The following CSMD2 variants were observed in gnomAD, a reference collection of about 807,000 sequenced individuals.
The protein encoded by CSMD2 is CUB and Sushi multiple domains 2.
In CSMD2, 130 loss-of-function variants were observed where a neutral mutation model predicts 398.5. The ratio of observed to expected loss-of-function variants is 0.33; its 90% CI spans 0.28 to 0.38. CSMD2 has a LOEUF of 0.38. Among genes scored for constraint, CSMD2 ranks in the 10% least tolerant of loss-of-function variants. CSMD2 has a pLI of 1.00. For missense variants in CSMD2, 3,829 were observed against 4,764.9 expected, an observed-to-expected ratio of 0.80 and a Z score of 5.78; for synonymous variants, 1,828 against 1,908.5, an observed-to-expected ratio of 0.96 and a Z score of 1.10.
intron 1 of CSMD2, among the ~76,000 whole-genome samples, chr1:34,103,456 G>A (rs1013546001): frequency 1.1e-4 from 17 of 151,724 alleles, no homozygotes; most frequent in African/African-American, 3.1e-4. Flanking sequence ...CCGCCACCAC[G>A]CCCAGCTAAT....
chr1:33,704,258 A>G (rs1319649949), intron 22 of CSMD2, among the ~76,000 whole-genome samples: 1 of 152,188 alleles, frequency 6.6e-6, no homozygotes, highest in African/African-American at 2.4e-5. Context: ...TTTTTGAAAC[A>G]AAAGTCACAA....
At chr1:33,688,463 TA>T (rs1477832202) in intron 25 of CSMD2, among the ~76,000 whole-genome samples, 1 of 152,190 alleles carries the variant, frequency 6.6e-6, no homozygotes, top group East Asian at 1.9e-4. Context: ...GGAGTAAGAT[TA>T]CAGAGTAAGA....
chr1:33,748,266 G>T (rs1647666085), intron 13 of CSMD2, among the ~76,000 whole-genome samples: 1 of 152,186 alleles, frequency 6.6e-6, no homozygotes, highest in African/African-American at 2.4e-5. Context: ...AATAGGAAGA[G>T]CCTACTTCTC....
chr1:33,934,869 T>C (rs1053542840), intron 4 of CSMD2, among the ~76,000 whole-genome samples: 1 of 146,372 alleles, frequency 6.8e-6, no homozygotes, highest in South Asian at 2.2e-4. Context: ...CCGGGCATGG[T>C]GGCACATGCC....
chr1:33,733,569 G>C (rs1029933227), intron 15 of CSMD2, among the ~76,000 whole-genome samples: 1 of 152,102 alleles, frequency 6.6e-6, no homozygotes, highest in African/African-American at 2.4e-5. Context: ...ATCTCACCTC[G>C]AGTTATAATC....
Position 33,542,869 on chromosome 1 carries a change from G to A in CSMD2, c.9128C>T (p.Pro3043Leu). 4 of 1,614,094 alleles carry A rather than the reference G, an allele frequency of 2.5e-6. No individual in the cohort carries two copies. The highest frequency in any genetic ancestry group is 3.4e-6 in the Non-Finnish European group (4 of 1,179,996). Residue 3043 changes from proline to leucine, a missense_variant, in exon 58 of 71, where the codon CCA becomes CTA. Around this residue, in one of 5 missense-constraint regions of CSMD2, gnomAD observed 917 missense variants for 1,199.5 expected, o/e 0.76. Coordinates refer to ENST00000373381, the MANE Select transcript of CSMD2 (RefSeq NM_001281956.2). ...GVISCGNPGTPSNARVVFSDG... is the reference protein window; with the variant it reads ...GVISCGNPGTLSNARVVFSDG... ...ACTGAACACAACTCGGGCATTACTT[G>A]GAGTCCCAGGGTTCCCACAAGAGAT...
chr1:34,091,676 A>G lies in CSMD2; in HGVS notation c.188-2483T>C, dbSNP rs533880860. On this transcript the variant is annotated intron_variant, in intron 1 of 70. Transcript: ENST00000373381. The stretch of plus-strand genomic sequence containing the variant: ...AAAAAAAAATGTTAAGGTCTTCTGA[A>G]TAAATCCTAAACAGGCATTTCATAA... Among the ~76,000 whole-genome samples, 3 of 152,348 alleles carry G rather than the reference A, an allele frequency of 2.0e-5. No homozygotes were observed. The East Asian group carries it at 5.8e-4, about 29-fold the overall frequency.
intron 5 of CSMD2, among the ~76,000 whole-genome samples, chr1:33,870,012 G>A (rs936279768): frequency 8.5e-5 from 13 of 152,132 alleles, no homozygotes; most frequent in African/African-American, 1.4e-4. Context: ...ACTGGCATCC[G>A]GGCCACACAG....
chr1:33,964,581 C>A (rs1645490887), intron 3 of CSMD2, among the ~76,000 whole-genome samples: 2 of 152,202 alleles, frequency 1.3e-5, no homozygotes, highest in Admixed American at 1.3e-4. Flanking sequence ...CTCATCCTCC[C>A]ACTCCCAACA....
chr1:33,709,672 G>A (rs1205584361), intron 21 of CSMD2, among the ~76,000 whole-genome samples: 1 of 152,184 alleles, frequency 6.6e-6, no homozygotes, highest in Non-Finnish European at 1.5e-5. Context: ...AAGCCTTTCA[G>A]TATCACAGAA....
At chr1:33,871,697 G>T (rs1001597248) in intron 5 of CSMD2, among the ~76,000 whole-genome samples, 1 of 152,102 alleles carries the variant, frequency 6.6e-6, no homozygotes, top group Non-Finnish European at 1.5e-5. Context: ...GCTCACTACA[G>T]CCCTCACCTC....
At chr1:33,683,443 C>T (rs1402334439) in intron 25 of CSMD2, among the ~76,000 whole-genome samples, 2 of 152,032 alleles carry the variant, frequency 1.3e-5, no homozygotes, top group Non-Finnish European at 2.9e-5. Context: ...TATTTCTTTA[C>T]TTATTTTTGG....
intron 5 of CSMD2, among the ~76,000 whole-genome samples, chr1:33,907,187 C>G (rs1171605099): frequency 1.4e-5 from 2 of 146,498 alleles, no homozygotes; most frequent in South Asian, 4.3e-4. Context: ...GGCGTGAACT[C>G]GGCTCACTGC....
At chr1:33,701,870 A>G (rs910199156) in intron 22 of CSMD2, among the ~76,000 whole-genome samples, 4 of 152,250 alleles carry the variant, frequency 2.6e-5, no homozygotes, top group African/African-American at 7.2e-5. Context: ...TCAATGGACT[A>G]GGAATCATCA....
At chr1:33,773,915 T>C (rs544939047) in intron 12 of CSMD2, among the ~76,000 whole-genome samples, 2 of 152,214 alleles carry the variant, frequency 1.3e-5, no homozygotes, top group Non-Finnish European at 1.5e-5. Context: ...TCCCTGAAGT[T>C]GGTGTGTGTG....
At chr1:33,921,034 A>G (rs188947227) in intron 4 of CSMD2, among the ~76,000 whole-genome samples, 2 of 152,248 alleles carry the variant, frequency 1.3e-5, no homozygotes, top group Admixed American at 1.3e-4. Context: ...GGACCGTCTG[A>G]ACTGAAAGGG....
chr1:33,624,682 T>C lies in CSMD2; in HGVS notation c.5501-39A>G. The C allele has an allele frequency of 3.8e-6, 6 of 1,592,664 alleles. No individual in the cohort carries two copies. The highest frequency in any genetic ancestry group is 5.2e-6 in the Non-Finnish European group (6 of 1,164,822). On this transcript the variant is annotated intron_variant, in intron 34 of 70. Coordinates refer to ENST00000373381, the MANE Select transcript of CSMD2 (RefSeq NM_001281956.2). The surrounding 1 kb of genome is among the most constrained non-coding windows in gnomAD (Gnocchi z 4.7). ...CCATCGGGTCAGAGGCTTTGTGGCCTCCCGTGGGAGCCTTCCCAAGCTGAC... is the reference window on the plus strand; with the variant it reads ...CCATCGGGTCAGAGGCTTTGTGGCCCCCCGTGGGAGCCTTCCCAAGCTGAC...
At chr1:33,538,312 G>C (rs1655995948) in intron 60 of CSMD2, among the ~76,000 whole-genome samples, 2 of 152,112 alleles carry the variant, frequency 1.3e-5, no homozygotes, top group African/African-American at 2.4e-5. Flanking sequence ...TCCCCAAAGG[G>C]TACACATTTA....
intron 32 of CSMD2, among the ~76,000 whole-genome samples, chr1:33,629,125 A>G (rs1362867242): frequency 6.6e-6 from 1 of 152,146 alleles, no homozygotes; most frequent in African/African-American, 2.4e-5. Flanking sequence ...GCAGGGATAA[A>G]TACAACCAGA....
Sources: gnomAD v4.1 joint callset for allele counts (sites outside exome capture counted in the v4.1 genomes callset) on GRCh38, gnomAD v4.1.1 for gene constraint, gnomAD v4.1.1 regional missense constraint, Gnocchi (gnomAD v3.1) non-coding constraint, MANE v1.5 for transcripts, NCBI Gene and HGNC (gene_info 2026-07-23, HGNC 2026-07-21) for gene names.